The following CADPS variants were observed in gnomAD, a reference collection of about 807,000 sequenced individuals.
CADPS encodes calcium dependent secretion activator, also known as calcium-dependent secretion activator 1.
In CADPS, 57 loss-of-function variants were observed where a neutral mutation model predicts 167.3. The ratio of observed to expected loss-of-function variants is 0.34; its 90% confidence interval spans 0.28 to 0.42. The LOEUF is 0.42. Ranked by LOEUF, CADPS falls within the 20% of genes least tolerant of loss-of-function variation. The probability of loss-of-function intolerance (pLI) is 1.00; values close to 1 mark genes in which losing one functional copy is unlikely to be tolerated. For missense variants in CADPS, 1,414 were observed against 1,738.1 expected, an observed-to-expected ratio of 0.81 and a Z score of 3.32; for synonymous variants, 676 against 635.3, an observed-to-expected ratio of 1.06 and a Z score of -0.96.
chr3:62,578,349 G>T (rs1032831687), intron 8 of CADPS, among the ~76,000 whole-genome samples: 2 of 151,978 alleles, frequency 1.3e-5, no homozygotes, highest in African/African-American at 4.8e-5. Flanking sequence ...GGTGGCTCAC[G>T]CCTGTAATCC....
intron 6 of CADPS, among the ~76,000 whole-genome samples, chr3:62,606,551 A>T (rs1289834801): frequency 6.6e-6 from 1 of 152,188 alleles, no homozygotes; most frequent in Non-Finnish European, 1.5e-5. Flanking sequence ...AGCCTCCATG[A>T]CTGTAAGAAA....
intron 26 of CADPS, among the ~76,000 whole-genome samples, chr3:62,461,492 G>A (rs1024417260): frequency 6.6e-6 from 1 of 152,046 alleles, no homozygotes; most frequent in African/African-American, 2.4e-5. Context: ...TAGTTCTCGG[G>A]CTTTCCACCT....
chr3:62,673,146 T>C (rs555870399), intron 3 of CADPS, among the ~76,000 whole-genome samples: 1 of 152,340 alleles, frequency 6.6e-6, no homozygotes, highest in African/African-American at 2.4e-5. Context: ...TTGTTCATTA[T>C]AAAAATAGCC....
intron 27 of CADPS, 53 bp downstream of exon 27, chr3:62,445,712 G>GAAAAAAAAAAAAAA: frequency 1.1e-6 from 1 of 875,980 alleles, no homozygotes; most frequent in Non-Finnish European, 1.6e-6. Context: ...AAGTAAAAAT[G>GAAAAAAAAAAAAAA]AAAAAAAAAA....
rs551572349 is a variant in CADPS, at chr3:62,699,304, T to A, written c.889-36910A>T. Among the ~76,000 whole-genome samples the A allele has an allele frequency of 4.6e-5, 7 of 152,192 alleles. No homozygotes were observed. The South Asian group carries it at 1.0e-3, about 23-fold the overall frequency. ...CTCCTGCCTCAGTCTCCCAAAGTGC[T>A]GGGATTACCGGCGTGAGCCACTGTG... On this transcript the variant is annotated intron_variant, in intron 3 of 29. Transcript: ENST00000383710.
chr3:62,844,367 G>A (rs547273283), intron 1 of CADPS, among the ~76,000 whole-genome samples: 1 of 152,274 alleles, frequency 6.6e-6, no homozygotes, highest in South Asian at 2.1e-4. Context: ...AACAACCAAA[G>A]GAAAATCTGA....
chr3:62,762,509 T>C (rs1010731908), intron 2 of CADPS, among the ~76,000 whole-genome samples: 22 of 151,886 alleles, frequency 1.4e-4, no homozygotes, highest in African/African-American at 5.1e-4. Context: ...ATACAAAAAT[T>C]AGTCTGGCAT....
At chr3:62,822,775 G>A (rs2073231433) in intron 1 of CADPS, among the ~76,000 whole-genome samples, 1 of 152,132 alleles carries the variant, frequency 6.6e-6, no homozygotes, top group Admixed American at 6.5e-5. Context: ...CTGGGAGGTG[G>A]AGGTTGCAGT....
chr3:62,490,111 T>C (rs2063459085), intron 21 of CADPS, among the ~76,000 whole-genome samples: 2 of 152,108 alleles, frequency 1.3e-5, no homozygotes, highest in Non-Finnish European at 2.9e-5. Context: ...AGTATAACAT[T>C]AGAGGAGGGT....
At chr3:62,646,179 T>G (rs2068532301) in intron 5 of CADPS, among the ~76,000 whole-genome samples, 1 of 150,022 alleles carries the variant, frequency 6.7e-6, no homozygotes, top group African/African-American at 2.5e-5. Context: ...TTTTTTTTTT[T>G]GAGATGGAGT....
intron 1 of CADPS, among the ~76,000 whole-genome samples, chr3:62,855,758 A>C (rs2079555841): frequency 6.6e-6 from 1 of 152,168 alleles, no homozygotes; most frequent in Non-Finnish European, 1.5e-5. Flanking sequence ...CGCTGATTGA[A>C]GTTTCATATC....
At chr3:62,577,233 C>T (rs11130890) in intron 8 of CADPS, among the ~76,000 whole-genome samples, 22,076 of 152,094 alleles carry the variant, frequency 0.15, 1,935 homozygotes, top group African/African-American at 0.25. Flanking sequence ...AGTCTTCTCT[C>T]ATATGGTATT....
rs565949447 is a variant in CADPS, at chr3:62,577,377, T to C, written c.1578-6439A>G. Among the ~76,000 whole-genome samples, 16 of 152,280 alleles carry C rather than the reference T, an allele frequency of 1.1e-4. No homozygotes were observed. In the South Asian group the frequency reaches 2.3e-3, roughly 22 times the overall value. On this transcript the variant is annotated intron_variant, in intron 8 of 29. Transcript: ENST00000383710. ...ATAGGTCTCTTGAACTTATTCCTCC[T>C]TGTCAGAAATTCTTCATAAAAATTT... is the stretch of plus-strand genomic sequence containing the variant.
intron 23 of CADPS, among the ~76,000 whole-genome samples, chr3:62,475,905 A>G (rs1220092022): frequency 6.6e-6 from 1 of 152,192 alleles, no homozygotes; most frequent in Non-Finnish European, 1.5e-5. Flanking sequence ...AATCGTCTTC[A>G]GTTTTCACAG....
chr3:62,796,267 C>G (rs773042349), intron 1 of CADPS: 4 of 152,216 alleles, frequency 2.6e-5, no homozygotes, highest in Non-Finnish European at 5.9e-5. Flanking sequence ...CTGGTGGTCC[C>G]TGCTAGCAGG....
At chr3:62,821,895 G>T (rs2094938213) in intron 1 of CADPS, among the ~76,000 whole-genome samples, 1 of 152,132 alleles carries the variant, frequency 6.6e-6, no homozygotes, top group Non-Finnish European at 1.5e-5. Flanking sequence ...CCCAAACTCA[G>T]TTTGTTAGCA....
At chr3:62,804,939 T>C (rs1479587445) in intron 1 of CADPS, among the ~76,000 whole-genome samples, 1 of 152,132 alleles carries the variant, frequency 6.6e-6, no homozygotes, top group East Asian at 1.9e-4. Flanking sequence ...TCAAGGATTT[T>C]AAGAACCAAT....
intron 1 of CADPS, among the ~76,000 whole-genome samples, chr3:62,868,370 T>C (rs1480107299): frequency 6.6e-6 from 1 of 152,088 alleles, no homozygotes; most frequent in Non-Finnish European, 1.5e-5. Flanking sequence ...CTTGGACCAA[T>C]TTAGTTAAAA....
At chr3:62,488,726 G>C (rs2063224696) in intron 21 of CADPS, among the ~76,000 whole-genome samples, 1 of 152,038 alleles carries the variant, frequency 6.6e-6, no homozygotes, top group Admixed American at 6.5e-5. Flanking sequence ...CTGGCCTCAG[G>C]TGATCCTCTC....
Sources: allele counts gnomAD v4.1 joint callset (sites outside exome capture counted in the v4.1 genomes callset), GRCh38; gene constraint gnomAD v4.1.1; transcripts MANE v1.5; gene names NCBI Gene and HGNC (gene_info 2026-07-23, HGNC 2026-07-21).